The following SYCP2 variants were observed in gnomAD, a reference collection of about 807,000 sequenced individuals.
The protein encoded by SYCP2 is synaptonemal complex lateral element protein.
Under a neutral mutation model 211.3 loss-of-function variants are expected in SYCP2, and 55 were observed. The observed-to-expected ratio is 0.26, with a 90% CI of 0.21 to 0.33. SYCP2 has a LOEUF of 0.33. SYCP2 is among the 10% of genes least tolerant of loss of function. SYCP2 has a pLI of 1.00. For synonymous variants in SYCP2, 570 were observed against 555.2 expected (o/e 1.03, Z -0.37); for missense variants, 1,731 against 1,752.0 (o/e 0.99, Z 0.21).
chr20:59,922,321 A>C, intron 3 of SYCP2, 69 bp downstream of exon 3: 1 of 1,381,086 alleles, frequency 7.2e-7, no homozygotes, highest in Non-Finnish European at 9.9e-7. Context: ...CATAGCACTG[A>C]ATACCTATAA....
In SYCP2 at chr20:59,879,830, T is replaced by C. The variant is rs1469399431; in HGVS notation, c.2941+473A>G. Among the ~76,000 whole-genome samples the C allele has an allele frequency of 3.0e-3, 57 of 19,116 alleles. No individual in the cohort carries two copies. In the African/African-American group the frequency reaches 0.031, roughly 10 times the overall value. The allele number at this position is 19,116 out of a possible 152,430, so 12.5% of individuals were successfully genotyped here. A position where few individuals can be genotyped will look rare whatever the true frequency, so the allele number is the denominator to read the frequency against. ...TTTAGTAAATATAAATAAATATATA[T>C]ATATATATATATATATATATATATA... On this transcript the variant is annotated intron_variant, in intron 31 of 44. Transcript: ENST00000357552.
At chr20:59,897,381 G>A (rs2145761356) in intron 18 of SYCP2, among the ~76,000 whole-genome samples, 1 of 152,244 alleles carries the variant, frequency 6.6e-6, no homozygotes, top group South Asian at 2.1e-4. Context: ...AGTTTTTAGT[G>A]GCATAGTGAA....
intron 24 of SYCP2, among the ~76,000 whole-genome samples, chr20:59,888,910 A>C (rs1280551739): frequency 6.6e-6 from 1 of 152,094 alleles, no homozygotes; most frequent in Non-Finnish European, 1.5e-5. Context: ...AGAAATACTT[A>C]GATGTATATC....
Position 59,880,408 on chromosome 20 carries a change from C to G in SYCP2, c.2836G>C (p.Asp946His). ...AGCCAGCTAATATCAGTCTTGCTGT[C>G]ATCACATCTGTACTCTGTTTCAGTA... Reference protein sequence around the residue: ...SDTETEYRCDDSKTDISWLRE... With the variant: ...SDTETEYRCDHSKTDISWLRE... The change falls in exon 31 of 45, where the codon GAC becomes CAC. Residue 946 changes from aspartate to histidine, a missense_variant. Physicochemically the swap from Asp to His is moderately conservative, Grantham distance 81 (BLOSUM62 -1). Around this residue, in one of 3 missense-constraint regions of SYCP2, gnomAD observed 1,387 missense variants for 1,351.3 expected, o/e 1.03. Coordinates refer to ENST00000357552, the MANE Select transcript of SYCP2 (RefSeq NM_014258.4). The G allele has an allele frequency of 6.2e-7, 1 of 1,601,452 alleles. No individual in the cohort carries two copies. The highest frequency in any genetic ancestry group is 2.2e-5 in the East Asian group (1 of 44,540).
intron 18 of SYCP2, among the ~76,000 whole-genome samples, chr20:59,897,999 G>C (rs1412558281): frequency 6.6e-6 from 1 of 152,178 alleles, no homozygotes; most frequent in Non-Finnish European, 1.5e-5. Flanking sequence ...AGCTCCTTGG[G>C]AATCTGAGGC....
At chr20:59,882,692 C>G (rs961960619) in intron 26 of SYCP2, among the ~76,000 whole-genome samples, 1 of 152,030 alleles carries the variant, frequency 6.6e-6, no homozygotes, top group Non-Finnish European at 1.5e-5. Flanking sequence ...AAGACAAATA[C>G]CGCATGTTTT....
Position 59,880,343 on chromosome 20 carries a change from G to T in SYCP2, c.2901C>A (p.Ser967Arg), listed in dbSNP as rs566438128. The T allele has an allele frequency of 6.3e-7, 1 of 1,594,990 alleles. No individual in the cohort carries two copies. Among genetic ancestry groups the T allele is most frequent in the South Asian group, 1.1e-5 (1 of 89,216 alleles). The change falls in exon 31 of 45, where the codon AGC (serine) becomes AGA (arginine). Residue 967 changes from serine (S) to arginine (R), a missense_variant. By Grantham distance (110) the Ser-to-Arg change is moderately radical (BLOSUM62 -1). Transcript: ENST00000357552. ...PKSKPQLIDY[S>R]RNKNVKNHKS... ...TATGATTCTTCACATTTTTATTTCT[G>T]CTATAGTCTATTAGCTGTGGTTTTG...
chr20:59,905,207 C>A (rs2060191564), intron 15 of SYCP2, among the ~76,000 whole-genome samples: 1 of 152,138 alleles, frequency 6.6e-6, no homozygotes, highest in Non-Finnish European at 1.5e-5. Context: ...TTAGAAGTTT[C>A]TTCAAAAGCT....
At chr20:59,871,601 A>G (rs563193375) in intron 35 of SYCP2, among the ~76,000 whole-genome samples, 1 of 151,984 alleles carries the variant, frequency 6.6e-6, no homozygotes, top group South Asian at 2.1e-4. Context: ...GATGCGGGGG[A>G]AAATAAGAAT....
At chr20:59,876,403 A>AAAAAAAAAG (rs2059558849) in intron 33 of SYCP2, among the ~76,000 whole-genome samples, 1 of 142,870 alleles carries the variant, frequency 7.0e-6, no homozygotes, top group Non-Finnish European at 1.5e-5. Context: ...AAAAAAAAAA[A>AAAAAAAAAG]AAAAAAAAGA....
chr20:59,914,338 G>A (rs1408106681), intron 10 of SYCP2, 87 bp from the exon 11 acceptor site: 3 of 690,940 alleles, frequency 4.3e-6, no homozygotes, highest in Non-Finnish European at 6.7e-6. Flanking sequence ...ATTAGAATAA[G>A]CAAGAGAAAT....
intron 15 of SYCP2, among the ~76,000 whole-genome samples, chr20:59,902,456 C>CA (rs1378891794): frequency 6.6e-6 from 1 of 152,108 alleles, no homozygotes; most frequent in African/African-American, 2.4e-5. Flanking sequence ...CAGAGGCCAC[C>CA]ATGCTCGTGT....
chr20:59,890,995 G>C (rs2059896162), intron 24 of SYCP2, among the ~76,000 whole-genome samples: 1 of 151,822 alleles, frequency 6.6e-6, no homozygotes, highest in African/African-American at 2.4e-5. Flanking sequence ...AGCCAAATTA[G>C]GCACAAAAAG....
rs909897073 is a variant in SYCP2, at chr20:59,907,408, G to A, written c.989C>T (p.Ala330Val). 2 of 1,610,974 alleles carry A rather than the reference G, an allele frequency of 1.2e-6. No homozygotes were observed. Among genetic ancestry groups the A allele is most frequent in the African/African-American group, 1.3e-5 (1 of 74,828 alleles). The part of the protein sequence containing the change: ...AGDNDDHQWE[A>V]VTVPEEKVQI... ...TACTTTTTCCTCTGGCACAGTAACT[G>A]CTTCCCATTGATGATCCTTAAATTT... Residue 330 changes from alanine to valine, a missense_variant, in exon 15 of 45, where the codon GCA (alanine) becomes GTA (valine). Transcript: ENST00000357552.
rs142900720 is a variant in SYCP2 at position 59,901,666 on chromosome 20, T to G, written c.1178A>C (p.His393Pro). 2 of 1,538,346 alleles carry G rather than the reference T, an allele frequency of 1.3e-6. No individual in the cohort carries two copies. Among genetic ancestry groups the G allele is most frequent in the Non-Finnish European group, 8.9e-7 (1 of 1,127,642 alleles). Reference sequence around the variant, plus strand: ...TTATTAAGTTTAAAGACTTACCCTATGTTTAGTTGCACCAAAAATTTTTTG... The same window carrying G: ...TTATTAAGTTTAAAGACTTACCCTAGGTTTAGTTGCACCAAAAATTTTTTG... The part of the protein sequence containing the change: ...VTQKIFGATK[H>P]RESIRKQGIS... Residue 393 changes from histidine to proline, a missense_variant, in exon 16 of 45, where the codon CAT becomes CCT. Around this residue, in one of 3 missense-constraint regions of SYCP2, gnomAD observed 1,387 missense variants for 1,351.3 expected, o/e 1.03. Transcript: ENST00000357552.
At chr20:59,911,177 G>A (rs1182977115) in intron 14 of SYCP2, among the ~76,000 whole-genome samples, 2 of 152,150 alleles carry the variant, frequency 1.3e-5, no homozygotes, top group East Asian at 1.9e-4. Context: ...TATCAAATAC[G>A]AGGTGGTAGC....
chr20:59,865,334 AAAAC>A, intron 44 of SYCP2, 50 bp downstream of exon 44: 1 of 1,438,068 alleles, frequency 7.0e-7, no homozygotes, highest in Non-Finnish European at 9.6e-7. Context: ...AAAAAAATCA[AAAAC>A]AAAAGACATT....
chr20:59,897,339 T>C (rs1025018074), intron 18 of SYCP2, among the ~76,000 whole-genome samples: 2 of 152,158 alleles, frequency 1.3e-5, no homozygotes, highest in East Asian at 1.9e-4. Flanking sequence ...AAAACAAGCT[T>C]CTGAGCCAAC....
At chr20:59,924,302 A>G (rs2145890887) in intron 2 of SYCP2, among the ~76,000 whole-genome samples, 1 of 152,132 alleles carries the variant, frequency 6.6e-6, no homozygotes, top group Admixed American at 6.6e-5. Context: ...AATTCAGTAT[A>G]TAACTGACCC....
Sources: gnomAD v4.1 joint callset for allele counts (sites outside exome capture counted in the v4.1 genomes callset) on GRCh38, gnomAD v4.1.1 for gene constraint, gnomAD v4.1.1 regional missense constraint, MANE v1.5 for transcripts, NCBI Gene and HGNC (gene_info 2026-07-23, HGNC 2026-07-21) for gene names.